Variants in SRGAP2C observed in about 807,000 individuals in gnomAD.
SRGAP2C encodes the protein SLIT-ROBO Rho GTPase activating protein 2C.
SRGAP2C carries 15 observed loss-of-function variants against 25.1 expected under a neutral mutation model. The ratio of observed to expected loss-of-function variants is 0.60; its 90% confidence interval spans 0.40 to 0.92. The LOEUF is 0.92. Ranked by LOEUF, SRGAP2C falls within the 40% of genes least tolerant of loss-of-function variation. The pLI, the probability that SRGAP2C is intolerant of heterozygous loss-of-function variation, is 0.00. For synonymous variants in SRGAP2C, 44 were observed against 96.6 expected, an observed-to-expected ratio of 0.46 and a Z score of 3.19; for missense variants, 144 against 264.4, an observed-to-expected ratio of 0.54 and a Z score of 3.16.
chr1:121,239,901 G>T (rs1238632948), intron 2 of SRGAP2C, among the ~76,000 whole-genome samples: 1 of 152,274 alleles, frequency 6.6e-6, no homozygotes, highest in East Asian at 1.9e-4. Context: ...GTTTTGAGGA[G>T]ACACTCTGGC....
intron 2 of SRGAP2C, among the ~76,000 whole-genome samples, chr1:121,260,501 T>C (rs1656601479): frequency 6.6e-6 from 1 of 151,808 alleles, no homozygotes; most frequent in East Asian, 1.9e-4. Flanking sequence ...GATTACATCA[T>C]ACCATGATAG....
At chr1:121,228,677 T>A (rs1469944255) in intron 2 of SRGAP2C, among the ~76,000 whole-genome samples, 9 of 151,952 alleles carry the variant, frequency 5.9e-5, no homozygotes, top group African/African-American at 1.7e-4. Flanking sequence ...TTCTAATAGA[T>A]GGGCAACAAT....
At chr1:121,328,136 TGAA>T (rs1481895391) in intron 4 of SRGAP2C, among the ~76,000 whole-genome samples, 2 of 152,056 alleles carry the variant, frequency 1.3e-5, no homozygotes, top group African/African-American at 4.8e-5. Flanking sequence ...CCAGATTTCT[TGAA>T]GAATGAAGGA....
intron 2 of SRGAP2C, among the ~76,000 whole-genome samples, chr1:121,258,616 C>T (rs1656538643): frequency 6.6e-6 from 1 of 150,614 alleles, no homozygotes; most frequent in Admixed American, 6.7e-5. Flanking sequence ...CAGGCATGTG[C>T]CACCACACCC....
chr1:121,303,814 C>G (rs1468864873), intron 3 of SRGAP2C, among the ~76,000 whole-genome samples: 2 of 151,988 alleles, frequency 1.3e-5, no homozygotes, highest in Non-Finnish European at 2.9e-5. Flanking sequence ...CTCCCCTTTC[C>G]TGTTCTCTGA....
intron 3 of SRGAP2C, among the ~76,000 whole-genome samples, chr1:121,322,686 T>C (rs1405678244): frequency 6.8e-6 from 1 of 146,434 alleles, no homozygotes; most frequent in Non-Finnish European, 1.5e-5. Flanking sequence ...AGTAACTTCT[T>C]GGTTGGGTTA....
intron 2 of SRGAP2C, among the ~76,000 whole-genome samples, chr1:121,200,292 T>C (rs1488970593): frequency 2.9e-5 from 3 of 103,718 alleles, no homozygotes; most frequent in African/African-American, 1.1e-4. Context: ...CAGATATTTA[T>C]GTTGTTGTGT....
At chr1:121,210,327 A>AT in intron 2 of SRGAP2C, among the ~76,000 whole-genome samples, 1 of 150,718 alleles carries the variant, frequency 6.6e-6, no homozygotes, top group Non-Finnish European at 1.5e-5. Context: ...TAAAAAAAAA[A>AT]AAAAAGATTA....
chr1:121,383,082 G>A (rs1212292059), intron 8 of SRGAP2C, among the ~76,000 whole-genome samples, 157 bp downstream of exon 8: 31 of 145,942 alleles, frequency 2.1e-4, no homozygotes, highest in Admixed American at 2.8e-4. Context: ...CAAACAGTTA[G>A]TGAGTGCCTG....
intron 5 of SRGAP2C, among the ~76,000 whole-genome samples, chr1:121,369,539 G>T (rs1659429018): frequency 6.6e-6 from 1 of 152,074 alleles, no homozygotes; most frequent in African/African-American, 2.4e-5. Flanking sequence ...CAGCGGCTGT[G>T]TGCTGGCAGA....
chr1:121,315,457 T>TG (rs1414011988), intron 3 of SRGAP2C, among the ~76,000 whole-genome samples: 2 of 149,892 alleles, frequency 1.3e-5, no homozygotes, highest in African/African-American at 4.9e-5. Flanking sequence ...AGAGTGTAGA[T>TG]GGAGTTTCAC....
intron 4 of SRGAP2C, among the ~76,000 whole-genome samples, chr1:121,343,204 G>T (rs1658670635): frequency 6.6e-6 from 1 of 151,736 alleles, no homozygotes; most frequent in African/African-American, 2.4e-5. Flanking sequence ...TGATATATCA[G>T]CATTGGTCCT....
chr1:121,295,741 TTG>T lies in SRGAP2C; in HGVS notation c.260+10748_260+10749del, dbSNP rs2101580020. Among the ~76,000 whole-genome samples the T allele has an allele frequency of 3.2e-3, 483 of 150,844 alleles. 6 individuals carry two copies. Among genetic ancestry groups the T allele is most frequent in the African/African-American group, 0.011 (449 of 41,200 alleles). The stretch of plus-strand genomic sequence containing the variant: ...GAGAGGGGCTTTTTTGTTTTTGTTG[TTG>T]TTGTTGTTGTTGTTGTTGTTGTTTG... On this transcript the variant is annotated intron_variant, in intron 3 of 9. Transcript: ENST00000367123.
chr1:121,315,106 G>C (rs1424262375), intron 3 of SRGAP2C: 1 of 582,782 alleles, frequency 1.7e-6, no homozygotes, highest in African/African-American at 2.1e-5. Context: ...GGTCTCTGGT[G>C]CAGGCGGCAC....
intron 7 of SRGAP2C, among the ~76,000 whole-genome samples, chr1:121,378,922 T>C (rs1405333317): frequency 1.3e-5 from 2 of 152,328 alleles, no homozygotes; most frequent in Non-Finnish European, 2.9e-5. Flanking sequence ...GGGGAAACCT[T>C]GACTTCAGGC....
At chr1:121,260,565 G>A (rs1410602091) in intron 2 of SRGAP2C, among the ~76,000 whole-genome samples, 1 of 149,742 alleles carries the variant, frequency 6.7e-6, no homozygotes, top group African/African-American at 2.5e-5. Flanking sequence ...ATATCTCTCA[G>A]GACTTACAAC....
In SRGAP2C at chr1:121,391,719, G is replaced by A. The variant is rs1553357967; in HGVS notation, c.*3864G>A. 1 of 152,300 alleles carries A rather than the reference G, an allele frequency of 6.6e-6. No individual in the cohort carries two copies. The highest frequency in any genetic ancestry group is 1.9e-4 in the East Asian group (1 of 5,208). 9.4% of individuals were successfully genotyped at this position (152,300 alleles called of 1,614,324 possible). ...ATTTAAAACCACAAAACATTACTGT[G>A]TTTGTAGGGGGAGGTCTGATTTACA... On this transcript the variant is annotated 3_prime_UTR_variant, in exon 10 of 10. Transcript: ENST00000367123.
chr1:121,263,222 G>T (rs1406133548), intron 2 of SRGAP2C, among the ~76,000 whole-genome samples: 1 of 150,558 alleles, frequency 6.6e-6, no homozygotes, highest in Non-Finnish European at 1.5e-5. Context: ...TACTCCAGAG[G>T]CTGAGGCATG....
chr1:121,207,553 G>T (rs1553322735), intron 2 of SRGAP2C, among the ~76,000 whole-genome samples: 1 of 152,200 alleles, frequency 6.6e-6, no homozygotes, highest in Non-Finnish European at 1.5e-5. Context: ...CTGTTTCAGG[G>T]TGTGGAGGCA....
Sources: allele counts gnomAD v4.1 joint callset (sites outside exome capture counted in the v4.1 genomes callset), GRCh38; gene constraint gnomAD v4.1.1; transcripts MANE v1.5; gene names NCBI Gene and HGNC (gene_info 2026-07-23, HGNC 2026-07-21).